Variants in MAP6 observed in about 807,000 individuals in gnomAD.
MAP6 encodes the protein microtubule associated protein 6.
Under a neutral mutation model 42.4 loss-of-function variants are expected in MAP6, and 26 were observed. The ratio of observed to expected loss-of-function variants is 0.61; its 90% CI spans 0.45 to 0.85. The LOEUF (loss-of-function observed/expected upper bound fraction) is 0.85, where lower values mean the gene tolerates loss of function less well. Among genes scored for constraint, MAP6 ranks in the 40% least tolerant of loss-of-function variants. The pLI is 0.00. For synonymous variants in MAP6, 418 were observed against 443.8 expected (o/e 0.94, Z 0.73); for missense variants, 966 against 1,099.0 (o/e 0.88, Z 1.71).
intron 1 of MAP6, among the ~76,000 whole-genome samples, chr11:75,660,573 C>T (rs1943827031): frequency 1.3e-5 from 2 of 152,142 alleles, no homozygotes; most frequent in African/African-American, 4.8e-5. Flanking sequence ...GTTTTGTACC[C>T]GTATTATGTT....
intron 1 of MAP6, among the ~76,000 whole-genome samples, chr11:75,639,017 A>G (rs1943417253): frequency 6.6e-6 from 1 of 152,238 alleles, no homozygotes; most frequent in Non-Finnish European, 1.5e-5. Flanking sequence ...TAGAACTGGA[A>G]GCCATTATCT....
chr11:75,626,284 C>G (rs1447346180), intron 1 of MAP6, among the ~76,000 whole-genome samples: 2 of 152,144 alleles, frequency 1.3e-5, no homozygotes, highest in Admixed American at 6.5e-5. Flanking sequence ...CAGAGCTGGA[C>G]AGACATCTGA....
At position 75,626,872 on chromosome 11, in the gene MAP6, A is replaced by G. The variant is rs117043542; in HGVS notation, c.906-18550T>C. Among the ~76,000 whole-genome samples the G allele has an allele frequency of 1.8e-3, 272 of 152,330 alleles. 9 individuals carry two copies. The East Asian group carries it at 0.047, about 27-fold the overall frequency. ...AGTGAAGGGCAGAAGAGGAAAATAA[A>G]TGATTTGAGTCATTTGATATCAGAG... On this transcript the variant is annotated intron_variant, in intron 1 of 3. Transcript: ENST00000304771.
At chr11:75,613,643 T>C (rs534005003) in intron 1 of MAP6, among the ~76,000 whole-genome samples, 1 of 152,336 alleles carries the variant, frequency 6.6e-6, no homozygotes, top group South Asian at 2.1e-4. Flanking sequence ...TGAGCCTTGA[T>C]GCATGACCTA....
intron 3 of MAP6, among the ~76,000 whole-genome samples, chr11:75,599,933 G>C (rs769617029): frequency 6.6e-6 from 1 of 152,182 alleles, no homozygotes; most frequent in African/African-American, 2.4e-5. Flanking sequence ...TCAGTGGAAT[G>C]GCACAGAAAG....
At chr11:75,603,495 TG>T in intron 3 of MAP6, 2 of 983,562 alleles carry the variant, frequency 2.0e-6, no homozygotes, top group Non-Finnish European at 2.4e-6. Context: ...TCTCAGTGGG[TG>T]TGTTAAGCAG....
At chr11:75,661,536 G>GA (rs1239867790) in intron 1 of MAP6, among the ~76,000 whole-genome samples, 2 of 151,730 alleles carry the variant, frequency 1.3e-5, no homozygotes, top group African/African-American at 4.8e-5. Context: ...TTCAATATGA[G>GA]AAAAAAAATC....
intron 1 of MAP6, among the ~76,000 whole-genome samples, chr11:75,640,479 T>G (rs1943447777): frequency 6.6e-6 from 1 of 152,202 alleles, no homozygotes; most frequent in Admixed American, 6.5e-5. Flanking sequence ...TGTGGACTGC[T>G]GACATGCATA....
intron 1 of MAP6, among the ~76,000 whole-genome samples, chr11:75,618,480 G>C (rs560172535): frequency 6.6e-6 from 1 of 152,054 alleles, no homozygotes. Flanking sequence ...GGTGGTGGGC[G>C]CCTGTAATCC....
chr11:75,589,378 G>A (rs1488227046), intron 3 of MAP6, among the ~76,000 whole-genome samples: 1 of 152,208 alleles, frequency 6.6e-6, no homozygotes, highest in African/African-American at 2.4e-5. Context: ...CTCCTTCCTT[G>A]CAGGCCATGT....
intron 1 of MAP6, among the ~76,000 whole-genome samples, chr11:75,609,404 C>T (rs1302507475): frequency 6.6e-6 from 1 of 152,200 alleles, no homozygotes; most frequent in African/African-American, 2.4e-5. Context: ...CCAAGTCCCA[C>T]TGTCTCCCTC....
In MAP6 at chr11:75,667,128, A is replaced by C. The variant is rs1453816199; in HGVS notation, c.905+337T>G. Among the ~76,000 whole-genome samples the C allele has an allele frequency of 6.6e-6, 1 of 152,084 alleles. No homozygotes were observed. Among genetic ancestry groups the C allele is most frequent in the East Asian group, 1.9e-4 (1 of 5,192 alleles). On this transcript the variant is annotated intron_variant, in intron 1 of 3. Coordinates refer to ENST00000304771, the MANE Select transcript of MAP6 (RefSeq NM_033063.2). This position sits in a 1 kb window ranked among gnomAD's most constrained non-coding sequence, Gnocchi z 5.6. ...CAGGCTAACGCAGCAGGTGAGTTGG[A>C]TGGGGGCACGACGGAAGCACAGCCT...
At chr11:75,606,690 G>A (rs371275490) in intron 2 of MAP6, among the ~76,000 whole-genome samples, 2 of 152,330 alleles carry the variant, frequency 1.3e-5, no homozygotes, top group East Asian at 1.9e-4. Flanking sequence ...GGGCAGGGGG[G>A]CATCTCCAGT....
In MAP6 at chr11:75,587,451, C is replaced by CGGG; in HGVS notation, c.2049_2050insCCC (p.Gln683_Asp684insPro). On this transcript the variant is annotated inframe_insertion, in exon 4 of 4. Coordinates refer to ENST00000304771, the MANE Select transcript of MAP6 (RefSeq NM_033063.2). ...TTTGCATGCTCTGGGACTACAACATCTTGATCCTTGACTGGCCCTGAGACC... is the reference window on the plus strand; with the variant it reads ...TTTGCATGCTCTGGGACTACAACATCGGGTTGATCCTTGACTGGCCCTGAGACC... The CGGG allele has an allele frequency of 1.3e-5, 21 of 1,614,188 alleles. No individual in the cohort carries two copies. Among genetic ancestry groups the CGGG allele is most frequent in the Non-Finnish European group, 1.8e-5 (21 of 1,180,024 alleles).
chr11:75,644,097 G>C (rs1049640045), intron 1 of MAP6, among the ~76,000 whole-genome samples: 4 of 152,072 alleles, frequency 2.6e-5, no homozygotes, highest in Non-Finnish European at 5.9e-5. Flanking sequence ...AATCTGCTCG[G>C]GAGTGCTAAA....
intron 1 of MAP6, among the ~76,000 whole-genome samples, chr11:75,646,583 T>A (rs189001666): frequency 5.4e-5 from 8 of 147,878 alleles, no homozygotes; most frequent in African/African-American, 2.0e-4. Context: ...GGTGGGCGGA[T>A]CACCTGAGGT....
chr11:75,598,735 G>A (rs1942622178), intron 3 of MAP6, among the ~76,000 whole-genome samples: 1 of 152,240 alleles, frequency 6.6e-6, no homozygotes, highest in East Asian at 1.9e-4. Flanking sequence ...TCTATGGTAG[G>A]CTTTGGGCCA....
intron 1 of MAP6, among the ~76,000 whole-genome samples, chr11:75,618,053 C>T (rs764580040): frequency 1.0e-4 from 15 of 150,068 alleles, no homozygotes; most frequent in African/African-American, 2.7e-4. Flanking sequence ...GTAAAAACTG[C>T]GAAGGACACA....
In MAP6 at chr11:75,668,895, C is replaced by A. The variant is rs1944011698; in HGVS notation, c.-526G>T. 6.1e-6 allele frequency: 1 copy of A among 163,624 alleles called. No homozygotes were observed. Among genetic ancestry groups the A allele is most frequent in the Non-Finnish European group, 1.3e-5 (1 of 75,258 alleles). The allele number at this position is 163,624 out of a possible 1,614,324, so 10.1% of individuals were successfully genotyped here. A position where few individuals can be genotyped will look rare whatever the true frequency, so the allele number is the denominator to read the frequency against. Reference sequence around the variant, plus strand: ...CAGCGGAGACCGAGCATTGCTGCCTCCGCCGCTGCCCGCGAGGATGCCGCA... The same window carrying A: ...CAGCGGAGACCGAGCATTGCTGCCTACGCCGCTGCCCGCGAGGATGCCGCA... On this transcript the variant is annotated 5_prime_UTR_variant, in exon 1 of 4. Coordinates refer to ENST00000304771, the MANE Select transcript of MAP6 (RefSeq NM_033063.2).
Sources: allele counts gnomAD v4.1 joint callset (sites outside exome capture counted in the v4.1 genomes callset), GRCh38; gene constraint gnomAD v4.1.1; non-coding constraint Gnocchi (gnomAD v3.1); transcripts MANE v1.5; gene names NCBI Gene and HGNC (gene_info 2026-07-23, HGNC 2026-07-21).